The following BCAS3 variants were observed in gnomAD, a reference collection of about 807,000 sequenced individuals.
BCAS3 encodes the protein BCAS3 microtubule associated cell migration factor.
Under a neutral mutation model 116.1 loss-of-function variants are expected in BCAS3, and 53 were observed. That is an observed-to-expected ratio of 0.46 (90% CI 0.37 to 0.57). The LOEUF is 0.57. BCAS3 is among the 20% of genes least tolerant of loss of function. The pLI is 0.00. For synonymous variants in BCAS3, 391 were observed against 408.2 expected, an observed-to-expected ratio of 0.96 and a Z score of 0.51; for missense variants, 917 against 1,165.4, an observed-to-expected ratio of 0.79 and a Z score of 3.10.
chr17:61,000,884 T>C (rs2064189067), intron 15 of BCAS3, among the ~76,000 whole-genome samples: 1 of 152,166 alleles, frequency 6.6e-6, no homozygotes, highest in Non-Finnish European at 1.5e-5. Context: ...GAAATATGGT[T>C]TTATAAATCA....
intron 12 of BCAS3, among the ~76,000 whole-genome samples, chr17:60,921,843 A>G (rs942946594): frequency 7.9e-5 from 12 of 152,056 alleles, no homozygotes; most frequent in African/African-American, 2.9e-4. Context: ...AATAACCATA[A>G]TAGAATTAGA....
chr17:60,680,089 G>A (rs974548586), intron 2 of BCAS3, among the ~76,000 whole-genome samples: 10 of 143,208 alleles, frequency 7.0e-5, no homozygotes, highest in African/African-American at 1.8e-4. Context: ...AGCTGAGATC[G>A]CGCCACTGCA....
intron 14 of BCAS3, among the ~76,000 whole-genome samples, chr17:60,974,999 G>GT (rs577462434): frequency 0.01 from 1,364 of 131,932 alleles, 31 homozygotes; most frequent in South Asian, 0.064. Context: ...TTGCTTTTTT[G>GT]TTTTTTTTTT....
chr17:60,987,559 T>C (rs1052061724), intron 14 of BCAS3, among the ~76,000 whole-genome samples: 5 of 152,000 alleles, frequency 3.3e-5, no homozygotes, highest in Middle Eastern at 3.4e-3. Context: ...TCTTTCACTT[T>C]TTTTGTTAAT....
At chr17:60,924,601 G>C in intron 13 of BCAS3, 101 bp downstream of exon 13, 1 of 862,324 alleles carries the variant, frequency 1.2e-6, no homozygotes, top group Non-Finnish European at 1.8e-6. Flanking sequence ...TTTTCTTCAT[G>C]TATCAGTATA....
chr17:61,065,513 A>T lies in BCAS3; in HGVS notation c.2030-9407A>T, dbSNP rs2070514786. The stretch of plus-strand genomic sequence containing the variant: ...GGCCTTTGGGTGAACTTTGAGCCTG[A>T]GCTGTTTCATTCAAGGCAGCATGAT... On this transcript the variant is annotated intron_variant, in intron 19 of 23. Transcript: ENST00000407086. The surrounding 1 kb of genome is among the most constrained non-coding windows in gnomAD (Gnocchi z 4.8). 6.6e-6 allele frequency among the ~76,000 whole-genome samples: 1 copy of T among 152,142 alleles called. No homozygotes were observed. Among genetic ancestry groups the T allele is most frequent in the Admixed American group, 6.6e-5 (1 of 15,266 alleles).
chr17:60,963,169 G>A (rs1317817911), intron 14 of BCAS3, among the ~76,000 whole-genome samples: 1 of 152,124 alleles, frequency 6.6e-6, no homozygotes, highest in East Asian at 1.9e-4. Flanking sequence ...GTCAGAAAGT[G>A]TGATGCCTTC....
At chr17:61,025,025 GA>G (rs2066137686) in intron 16 of BCAS3, among the ~76,000 whole-genome samples, 1 of 152,046 alleles carries the variant, frequency 6.6e-6, no homozygotes, top group Non-Finnish European at 1.5e-5. Flanking sequence ...CTAATTAGGT[GA>G]AATTAAGAGA....
intron 22 of BCAS3, among the ~76,000 whole-genome samples, chr17:61,185,499 G>GT (rs1568530937): frequency 6.6e-6 from 1 of 152,038 alleles, no homozygotes; most frequent in Non-Finnish European, 1.5e-5. Context: ...CAAAACAAAA[G>GT]TTAGAGATCG....
intron 14 of BCAS3, among the ~76,000 whole-genome samples, chr17:60,976,064 T>C (rs1257077955): frequency 6.8e-6 from 1 of 146,036 alleles, no homozygotes; most frequent in African/African-American, 2.5e-5. Flanking sequence ...AGTCTTGCTC[T>C]GTCGCCCAGG....
chr17:60,864,998 C>T (rs1288065161), intron 7 of BCAS3, among the ~76,000 whole-genome samples: 1 of 151,880 alleles, frequency 6.6e-6, no homozygotes, highest in Non-Finnish European at 1.5e-5. Flanking sequence ...GTATGTGGTG[C>T]CCCAAAACAA....
At chr17:61,090,944 C>T (rs1174317193) in intron 22 of BCAS3, among the ~76,000 whole-genome samples, 3 of 152,254 alleles carry the variant, frequency 2.0e-5, no homozygotes, top group Middle Eastern at 3.4e-3. Flanking sequence ...CGTGAGCCAC[C>T]GTGCCTGGCC....
At chr17:60,715,029 C>T (rs1166302810) in intron 5 of BCAS3, among the ~76,000 whole-genome samples, 2 of 151,348 alleles carry the variant, frequency 1.3e-5, no homozygotes, top group African/African-American at 4.9e-5. Context: ...GCTTAAAATT[C>T]TTAATTAAAA....
In BCAS3 at chr17:61,241,412, T is replaced by G. The variant is rs1034457260; in HGVS notation, c.2426-126915T>G. Reference sequence around the variant, plus strand: ...GAAAGAGAAGTCAAAGTAAATAAGCTTAATAAAATAATAGTTTGGGCCTGC... The same window carrying G: ...GAAAGAGAAGTCAAAGTAAATAAGCGTAATAAAATAATAGTTTGGGCCTGC... On this transcript the variant is annotated intron_variant, in intron 22 of 23. Transcript: ENST00000407086. This position sits in a 1 kb window ranked among gnomAD's most constrained non-coding sequence, Gnocchi z 4.6. 1.3e-5 allele frequency among the ~76,000 whole-genome samples: 2 copies of G among 151,842 alleles called. No homozygotes were observed. The highest frequency in any genetic ancestry group is 1.3e-4 in the Admixed American group (2 of 15,218).
chr17:61,360,092 C>T (rs565680998), intron 22 of BCAS3, among the ~76,000 whole-genome samples: 1 of 151,942 alleles, frequency 6.6e-6, no homozygotes, highest in East Asian at 1.9e-4. Context: ...CTGCAACCTC[C>T]ATCTCCTGGG....
At chr17:61,002,064 T>TTTGGGGGGAA (rs1209823071) in intron 15 of BCAS3, among the ~76,000 whole-genome samples, 1 of 152,036 alleles carries the variant, frequency 6.6e-6, no homozygotes, top group East Asian at 1.9e-4. Context: ...GAGAGAAAGG[T>TTTGGGGGGAA]ATAGATAACG....
chr17:61,232,801 A>G (rs1276336301), intron 22 of BCAS3, among the ~76,000 whole-genome samples: 1 of 152,114 alleles, frequency 6.6e-6, no homozygotes, highest in Non-Finnish European at 1.5e-5. Flanking sequence ...TCACCATTAA[A>G]ACAACTTTCT....
At chr17:60,777,306 C>G (rs2045395417) in intron 6 of BCAS3, among the ~76,000 whole-genome samples, 2 of 152,084 alleles carry the variant, frequency 1.3e-5, no homozygotes, top group Admixed American at 1.3e-4. Context: ...GTTCTTTACT[C>G]TTGTTTACCT....
At chr17:61,294,358 A>AG (rs1369849701) in intron 22 of BCAS3, among the ~76,000 whole-genome samples, 5 of 152,132 alleles carry the variant, frequency 3.3e-5, no homozygotes, top group African/African-American at 1.2e-4. Flanking sequence ...CCACCAGCCT[A>AG]GGGAAAATCA....
Sources: allele counts gnomAD v4.1 joint callset (sites outside exome capture counted in the v4.1 genomes callset), GRCh38; gene constraint gnomAD v4.1.1; non-coding constraint Gnocchi (gnomAD v3.1); transcripts MANE v1.5; gene names NCBI Gene and HGNC (gene_info 2026-07-23, HGNC 2026-07-21).